The following FLYWCH1 variants were observed in gnomAD, a reference collection of about 807,000 sequenced individuals.
FLYWCH1 encodes the protein FLYWCH-type zinc finger-containing protein 1.
Under a neutral mutation model 66.4 loss-of-function variants are expected in FLYWCH1, and 75 were observed. The observed-to-expected ratio is 1.13, with a 90% confidence interval of 0.94 to 1.37. FLYWCH1 has a LOEUF of 1.37. FLYWCH1 is among the 40% of genes most tolerant of loss of function. FLYWCH1 has a pLI of 0.00. For missense variants in FLYWCH1, 1,334 were observed against 1,001.8 expected (o/e 1.33, Z -4.48); for synonymous variants, 595 against 429.9 (o/e 1.38, Z -4.75).
rs993442439 is a variant in FLYWCH1, at chr16:2,918,446, T to TC, written c.-74+4157_-74+4158insC. ...ACAGGCGTGAGCCACCGCGCCAGGC[T>TC]TTTTTTTTTTTGAGAGGGAGTTTTG... On this transcript the variant is annotated intron_variant, in intron 2 of 9. Coordinates refer to ENST00000253928, the MANE Select transcript of FLYWCH1 (RefSeq NM_001308068.2). 3.0e-4 allele frequency among the ~76,000 whole-genome samples: 38 copies of TC among 127,952 alleles called. 1 individual carries two copies. Among genetic ancestry groups the TC allele is most frequent in the Admixed American group, 7.8e-4 (10 of 12,770 alleles). The allele number at this position is 127,952 out of a possible 152,430, so 83.9% of individuals were successfully genotyped here.
chr16:2,932,270 C>CAAA (rs71158125), intron 4 of FLYWCH1, among the ~76,000 whole-genome samples: 3 of 55,300 alleles, frequency 5.4e-5, no homozygotes, highest in African/African-American at 2.3e-4. Context: ...GACCCTGTCT[C>CAAA]AAAAAAAAAA....
chr16:2,939,325 A>C (rs993634152), intron 8 of FLYWCH1, among the ~76,000 whole-genome samples: 5 of 152,056 alleles, frequency 3.3e-5, no homozygotes, highest in Non-Finnish European at 7.4e-5. Context: ...CATGCCTGTA[A>C]TCCCAGCTAC....
At chr16:2,917,644 G>C (rs1161248535) in intron 2 of FLYWCH1, among the ~76,000 whole-genome samples, 3 of 152,114 alleles carry the variant, frequency 2.0e-5, no homozygotes, top group Non-Finnish European at 4.4e-5. Flanking sequence ...CAAACCTCAG[G>C]TGTTGCTTAG....
chr16:2,925,675 C>G (rs1216235523), intron 2 of FLYWCH1, among the ~76,000 whole-genome samples: 1 of 152,062 alleles, frequency 6.6e-6, no homozygotes, highest in Non-Finnish European at 1.5e-5. Flanking sequence ...GCCCCTGCAC[C>G]TCGTGTCACC....
At chr16:2,944,758 G>T (rs919952126) in intron 9 of FLYWCH1, among the ~76,000 whole-genome samples, 1 of 151,432 alleles carries the variant, frequency 6.6e-6, no homozygotes, top group Non-Finnish European at 1.5e-5. Context: ...GGAGGTGGAG[G>T]TTGCAGTGAG....
chr16:2,918,466 G>A (rs1379132049), intron 2 of FLYWCH1, among the ~76,000 whole-genome samples: 1 of 139,638 alleles, frequency 7.2e-6, no homozygotes, highest in Non-Finnish European at 1.5e-5. Context: ...TTGAGAGGGA[G>A]TTTTGCTCTT....
intron 2 of FLYWCH1, chr16:2,923,247 T>A (rs2070441739): frequency 3.2e-6 from 1 of 313,084 alleles, no homozygotes; most frequent in Non-Finnish European, 6.2e-6. Context: ...AGAGGCTGTT[T>A]TTGTTTATTT....
chr16:2,941,704 A>G (rs917067759), intron 9 of FLYWCH1, among the ~76,000 whole-genome samples: 1 of 151,944 alleles, frequency 6.6e-6, no homozygotes, highest in South Asian at 2.1e-4. Flanking sequence ...CCTCATCTCC[A>G]CAAAAAATAG....
chr16:2,916,994 AAAAT>A (rs2070191898), intron 2 of FLYWCH1, among the ~76,000 whole-genome samples: 1 of 151,040 alleles, frequency 6.6e-6, no homozygotes, highest in Admixed American at 6.6e-5. Flanking sequence ...AAAAAAAAAA[AAAAT>A]AACAAAAATT....
chr16:2,937,426 AGGACCTGTGCCCCACAC>A, intron 7 of FLYWCH1, 42 bp downstream of exon 7: 1 of 1,487,220 alleles, frequency 6.7e-7, no homozygotes, highest in South Asian at 1.4e-5. Flanking sequence ...CTGGTCTCCC[AGGACCTGTGCCCCACAC>A]GCTGGCTGGA....
At chr16:2,923,000 G>A (rs1441286104) in intron 2 of FLYWCH1, 19 of 488,768 alleles carry the variant, frequency 3.9e-5, no homozygotes, top group East Asian at 5.5e-5. Context: ...GGCGGGTGAC[G>A]CGCGGATCTT....
At chr16:2,942,013 A>AAAC (rs2071284330) in intron 9 of FLYWCH1, among the ~76,000 whole-genome samples, 3 of 135,654 alleles carry the variant, frequency 2.2e-5, no homozygotes, top group Non-Finnish European at 4.8e-5. Flanking sequence ...AAAAAAAAAA[A>AAAC]AAAAAAAAAA....
chr16:2,938,325 G>A lies in FLYWCH1; in HGVS notation c.1919G>A (p.Arg640His), dbSNP rs200747488. The A allele has an allele frequency of 2.9e-3, 4,639 of 1,607,258 alleles. 17 individuals carry two copies. Among genetic ancestry groups the A allele is most frequent in the Non-Finnish European group, 3.7e-3 (4,410 of 1,176,946 alleles). The change falls in exon 8 of 10, where the codon CGC (arginine) becomes CAC (histidine). Residue 640 changes from arginine (R) to histidine (H), a missense_variant. Coordinates refer to ENST00000253928, the MANE Select transcript of FLYWCH1 (RefSeq NM_001308068.2). Reference sequence around the variant, plus strand: ...CGGGACCAGGCTCGGCTGGGCTGCCGCAGCCGCGCCATAACCCAGGGCCAC... The same window carrying A: ...CGGGACCAGGCTCGGCTGGGCTGCCACAGCCGCGCCATAACCCAGGGCCAC... ...MCRDQARLGCRSRAITQGHRI... is the reference protein window; with the variant it reads ...MCRDQARLGCHSRAITQGHRI...
intron 7 of FLYWCH1, among the ~76,000 whole-genome samples, chr16:2,937,947 C>T (rs1366467877): frequency 1.3e-5 from 2 of 152,160 alleles, no homozygotes; most frequent in Non-Finnish European, 2.9e-5. Flanking sequence ...CAGGAGCATT[C>T]AGGGTCCAGT....
intron 9 of FLYWCH1, among the ~76,000 whole-genome samples, chr16:2,943,960 T>TG (rs1663227240): frequency 6.6e-6 from 1 of 151,780 alleles, no homozygotes; most frequent in African/African-American, 2.4e-5. Context: ...AAAAATTAGC[T>TG]GTGTGTGGTG....
intron 2 of FLYWCH1, among the ~76,000 whole-genome samples, chr16:2,918,949 C>A (rs1310476663): frequency 1.3e-5 from 2 of 151,272 alleles, no homozygotes; most frequent in Non-Finnish European, 3.0e-5. Flanking sequence ...ATTTTGCTTT[C>A]TTTTTTTTTC....
chr16:2,927,144 A>G lies in FLYWCH1; in HGVS notation c.-73-2469A>G, dbSNP rs111961210. ...TTGCACGGCATCGTACAAGCAACCC[A>G]TGGCGGTGGTGTTTAATACGTCAGC... On this transcript the variant is annotated intron_variant, in intron 2 of 9. Transcript: ENST00000253928. 1.1e-4 allele frequency among the ~76,000 whole-genome samples: 16 copies of G among 152,294 alleles called. 1 individual carries two copies. The highest frequency in any genetic ancestry group is 2.2e-4 in the African/African-American group (9 of 41,578).
At chr16:2,936,239 A>C (rs1301002423) in intron 6 of FLYWCH1, 3 of 360,134 alleles carry the variant, frequency 8.3e-6, no homozygotes, top group African/African-American at 6.4e-5. Context: ...TCCGTGTGGA[A>C]GGGGATAAAG....
At position 2,937,272 on chromosome 16, in the gene FLYWCH1, G is replaced by A. The variant is rs751054677; in HGVS notation, c.1665G>A (p.Gln555=). 6 of 1,605,636 alleles carry A rather than the reference G, an allele frequency of 3.7e-6. No homozygotes were observed. Among genetic ancestry groups the A allele is most frequent in the Non-Finnish European group, 5.1e-6 (6 of 1,177,344 alleles). Residue 555 remains glutamine (Q), a synonymous_variant, in exon 7 of 10, where the codon CAG becomes CAA. Transcript: ENST00000253928. ...RMGCRSRAIT[Q]GRRVMVMRRH... is the part of the protein sequence containing the mutation. The stretch of plus-strand genomic sequence containing the variant: ...GCTGCCGCAGCCGCGCCATCACCCA[G>A]GGCCGGCGGGTCATGGTCATGCGCA...
Sources: allele counts gnomAD v4.1 joint callset (sites outside exome capture counted in the v4.1 genomes callset), GRCh38; gene constraint gnomAD v4.1.1; transcripts MANE v1.5; gene names NCBI Gene and HGNC (gene_info 2026-07-23, HGNC 2026-07-21).